The following TMEM184B variants were observed in gnomAD, a reference collection of about 807,000 sequenced individuals.
TMEM184B encodes transmembrane protein 184B, also known as putative MAPK-activating protein FM08.
TMEM184B carries 17 observed loss-of-function variants against 41.8 expected under a neutral mutation model. The ratio of observed to expected loss-of-function variants is 0.41; its 90% confidence interval spans 0.28 to 0.61. The LOEUF is 0.61. Ranked by LOEUF, TMEM184B falls within the 20% of genes least tolerant of loss-of-function variation. The pLI is 0.34. For missense variants in TMEM184B, 393 were observed against 557.8 expected, an observed-to-expected ratio of 0.70 and a Z score of 2.98; for synonymous variants, 240 against 229.5, an observed-to-expected ratio of 1.05 and a Z score of -0.41.
At position 38,219,645 on chromosome 22, in the gene TMEM184B, T is replaced by G; in HGVS notation, c.*1824A>C. 1.0e-6 allele frequency: 1 copy of G among 984,732 alleles called. No individual in the cohort carries two copies. Among genetic ancestry groups the G allele is most frequent in the Non-Finnish European group, 1.2e-6 (1 of 829,794 alleles). The allele number at this position is 984,732 out of a possible 1,614,324, so 61.0% of individuals were successfully genotyped here. On this transcript the variant is annotated 3_prime_UTR_variant, in exon 9 of 9. Coordinates refer to ENST00000361906, the MANE Select transcript of TMEM184B (RefSeq NM_012264.5). Reference sequence around the variant, plus strand: ...GACCGCTGATTCCCTGCCACTGAGCTCCCCCCACCCTCCACGCAAACAGCA... The same window carrying G: ...GACCGCTGATTCCCTGCCACTGAGCGCCCCCCACCCTCCACGCAAACAGCA...
intron 8 of TMEM184B, among the ~76,000 whole-genome samples, chr22:38,224,298 TAG>T (rs2091357140): frequency 6.6e-6 from 1 of 152,132 alleles, no homozygotes; most frequent in African/African-American, 2.4e-5. Flanking sequence ...GTATTTTTAG[TAG>T]AGACAGGGTT....
intron 8 of TMEM184B, chr22:38,223,827 C>T (rs907253326): frequency 6.5e-6 from 1 of 152,902 alleles, no homozygotes; most frequent in African/African-American, 2.4e-5. Flanking sequence ...AGAGGCAGCC[C>T]TTCCAGCCCA....
chr22:38,262,893 G>A (rs1487683137), intron 1 of TMEM184B, among the ~76,000 whole-genome samples: 3 of 152,148 alleles, frequency 2.0e-5, no homozygotes, highest in Non-Finnish European at 4.4e-5. Flanking sequence ...CAGTCCTTAT[G>A]TTTTTAATTT....
chr22:38,242,446 C>T (rs1189533962), intron 3 of TMEM184B, among the ~76,000 whole-genome samples: 2 of 152,120 alleles, frequency 1.3e-5, no homozygotes, highest in Non-Finnish European at 2.9e-5. Flanking sequence ...CCATTGCACT[C>T]CAGCCTGGGC....
rs944514135 is a variant in TMEM184B, at chr22:38,226,743, T to C, written c.617+36A>G. The C allele has an allele frequency of 1.3e-6, 2 of 1,558,752 alleles. No individual in the cohort carries two copies. Among genetic ancestry groups the C allele is most frequent in the South Asian group, 2.4e-5 (2 of 84,916 alleles). On this transcript the variant is annotated intron_variant, in intron 6 of 8. Transcript: ENST00000361906. The surrounding 1 kb of genome is among the most constrained non-coding windows in gnomAD (Gnocchi z 4.6). Reference sequence around the variant, plus strand: ...CCAAGGCACCAGCCTGCGCCAACACTCCTCCCACACACCCCGGGGAGCACC... The same window carrying C: ...CCAAGGCACCAGCCTGCGCCAACACCCCTCCCACACACCCCGGGGAGCACC...
chr22:38,238,052 G>A (rs368756269), intron 3 of TMEM184B, among the ~76,000 whole-genome samples: 22 of 151,506 alleles, frequency 1.5e-4, no homozygotes, highest in East Asian at 7.9e-4. Context: ...CACCTGCCTC[G>A]GCCTCCCAAA....
chr22:38,247,727 C>T, intron 2 of TMEM184B, 43 bp downstream of exon 2: 1 of 1,572,076 alleles, frequency 6.4e-7, no homozygotes. Flanking sequence ...CAGCCAGGAA[C>T]CTTTCTGGAC....
chr22:38,266,330 T>C (rs753452120), intron 1 of TMEM184B, among the ~76,000 whole-genome samples: 3 of 152,222 alleles, frequency 2.0e-5, no homozygotes, highest in Non-Finnish European at 2.9e-5. Flanking sequence ...CCTTGGGAGC[T>C]AAAGGCGTTC....
rs2091229486 is a variant in TMEM184B at position 38,220,526 on chromosome 22, T to G, written c.*943A>C. The G allele has an allele frequency of 9.1e-6, 9 of 985,814 alleles. No individual in the cohort carries two copies. In the South Asian group the frequency reaches 2.3e-4, roughly 26 times the overall value. The allele number at this position is 985,814 out of a possible 1,614,324, so 61.1% of individuals were successfully genotyped here. A position where few individuals can be genotyped will look rare whatever the true frequency, so the allele number is the denominator to read the frequency against. On this transcript the variant is annotated 3_prime_UTR_variant, in exon 9 of 9. Transcript: ENST00000361906. ...ACCCCTCCCGGTCTCCCTGCCGGAC[T>G]GCCTTCCCCCAGAAGCTGGTCTGAA...
chr22:38,242,584 T>TCCCTCCTGGG (rs1232598127), intron 3 of TMEM184B, among the ~76,000 whole-genome samples: 3 of 152,122 alleles, frequency 2.0e-5, no homozygotes, highest in Non-Finnish European at 4.4e-5. Flanking sequence ...TGAATCCCAC[T>TCCCTCCTGGG]CCCTCCTGGG....
downstream of TMEM184B, chr22:38,219,254 G>A (rs181602716): frequency 3.4e-5 from 34 of 985,546 alleles, no homozygotes; most frequent in Non-Finnish European, 4.0e-5. Flanking sequence ...CAGAGCAGGG[G>A]GCAGGGAGGA....
chr22:38,231,323 A>G lies in TMEM184B; in HGVS notation c.370T>C (p.Tyr124His). The change falls in exon 4 of 9, where the codon TAT (tyrosine) becomes CAT (histidine). Residue 124 changes from tyrosine (Y) to histidine (H), a missense_variant. Transcript: ENST00000361906. ...TCATAGCACAGGCTCAGGAAATTATAGATGACCAAGGCTGCGAAGAGAGTG... is the reference window on the plus strand; with the variant it reads ...TCATAGCACAGGCTCAGGAAATTATGGATGACCAAGGCTGCGAAGAGAGTG... ...VRDCYEALVI[Y>H]NFLSLCYEYL... The G allele has an allele frequency of 6.2e-7, 1 of 1,614,164 alleles. No individual in the cohort carries two copies.
At chr22:38,235,225 C>A (rs758946694) in intron 3 of TMEM184B, among the ~76,000 whole-genome samples, 1 of 152,210 alleles carries the variant, frequency 6.6e-6, no homozygotes, top group Admixed American at 6.5e-5. Flanking sequence ...GAGCTCCTCT[C>A]AGAGGCTGGC....
intron 3 of TMEM184B, among the ~76,000 whole-genome samples, chr22:38,235,611 C>T (rs1602403857): frequency 6.6e-6 from 1 of 152,106 alleles, no homozygotes; most frequent in East Asian, 1.9e-4. Context: ...ATTAGTGAGT[C>T]GATAATGGAC....
intron 1 of TMEM184B, among the ~76,000 whole-genome samples, chr22:38,254,322 T>C (rs564466478): frequency 3.3e-4 from 50 of 151,382 alleles, no homozygotes; most frequent in Non-Finnish European, 7.2e-4. Context: ...AATAAGTACA[T>C]GGCGCAGTGG....
Position 38,225,526 on chromosome 22 carries a change from G to A in TMEM184B, c.685C>T (p.Leu229Phe), listed in dbSNP as rs768031579. 74 of 1,603,986 alleles carry A rather than the reference G, an allele frequency of 4.6e-5. No homozygotes were observed. Among genetic ancestry groups the A allele is most frequent in the Non-Finnish European group, 3.7e-5 (44 of 1,176,384 alleles). ...CGGGTGGCGAAGTAGAAGAGGAAGA[G>A]GGCGTAGAGGGCCAGGCTGACGGAG... is the stretch of plus-strand genomic sequence containing the variant. ...NISVSLALYALFLFYFATREL... is the reference protein window; with the variant it reads ...NISVSLALYAFFLFYFATREL... The change falls in exon 7 of 9, where the codon CTC becomes TTC. Residue 229 changes from leucine (L) to phenylalanine (F), a missense_variant. Coordinates refer to ENST00000361906, the MANE Select transcript of TMEM184B (RefSeq NM_012264.5). The surrounding 1 kb of genome is among the most constrained non-coding windows in gnomAD (Gnocchi z 4.4).
intron 3 of TMEM184B, among the ~76,000 whole-genome samples, chr22:38,243,705 G>A (rs528751983): frequency 1.3e-5 from 2 of 152,182 alleles, no homozygotes; most frequent in Non-Finnish European, 2.9e-5. Flanking sequence ...GCCAGCCTGC[G>A]AGGAGGGAGC....
chr22:38,246,096 T>C lies in TMEM184B; in HGVS notation c.197A>G (p.Tyr66Cys), dbSNP rs761938277. 1.2e-6 allele frequency: 2 copies of C among 1,609,808 alleles called. No individual in the cohort carries two copies. The highest frequency in any genetic ancestry group is 1.7e-6 in the Non-Finnish European group (2 of 1,179,904). The change falls in exon 3 of 9, where the codon TAC becomes TGC. Residue 66 changes from tyrosine (Y) to cysteine (C), a missense_variant. Coordinates refer to ENST00000361906, the MANE Select transcript of TMEM184B (RefSeq NM_012264.5). The stretch of plus-strand genomic sequence containing the variant: ...GCAGCTGTAGCAGCGCAGGTGCATG[T>C]AGATCTGGGGGCAGAGGTGTGGGGT... ...TALLITCHQI[Y>C]MHLRCYSCPN... is the part of the protein sequence containing the mutation.
chr22:38,226,069 A>G lies in TMEM184B; in HGVS notation c.618-476T>C, dbSNP rs2091427564. Among the ~76,000 whole-genome samples the G allele has an allele frequency of 6.8e-6, 1 of 147,474 alleles. No homozygotes were observed. Among genetic ancestry groups the G allele is most frequent in the Non-Finnish European group, 1.5e-5 (1 of 67,398 alleles). On this transcript the variant is annotated intron_variant, in intron 6 of 8. Transcript: ENST00000361906. This position sits in a 1 kb window ranked among gnomAD's most constrained non-coding sequence, Gnocchi z 4.6. ...AGCTTGAAAGCACAGGGCTAGACAC[A>G]TGGTCACTTTTTTTTTTTTTTTTTT...
Sources: allele counts gnomAD v4.1 joint callset (sites outside exome capture counted in the v4.1 genomes callset), GRCh38; gene constraint gnomAD v4.1.1; non-coding constraint Gnocchi (gnomAD v3.1); transcripts MANE v1.5; gene names NCBI Gene and HGNC (gene_info 2026-07-23, HGNC 2026-07-21).